Variants in DHRS7B observed in about 807,000 individuals in gnomAD.
The protein encoded by DHRS7B is dehydrogenase/reductase 7B.
A neutral mutation model predicts 26.4 loss-of-function variants in DHRS7B; 24 were observed. The ratio of observed to expected loss-of-function variants is 0.91; its 90% CI spans 0.66 to 1.28. The LOEUF (loss-of-function observed/expected upper bound fraction) is 1.28. Ranked by LOEUF, DHRS7B falls within the 50% of genes most tolerant of loss-of-function variation. The pLI, the probability that DHRS7B is intolerant of heterozygous loss-of-function variation, is 0.00. For synonymous variants in DHRS7B, 142 were observed against 166.4 expected (o/e 0.85, Z 1.13); for missense variants, 368 against 419.4 (o/e 0.88, Z 1.07).
intron 1 of DHRS7B, among the ~76,000 whole-genome samples, chr17:21,132,737 T>C (rs1402853812): frequency 6.6e-6 from 1 of 152,136 alleles, no homozygotes; most frequent in Non-Finnish European, 1.5e-5. Context: ...TACAGGTCAC[T>C]AGCTATGGAG....
intron 1 of DHRS7B, among the ~76,000 whole-genome samples, chr17:21,131,820 A>AT (rs970620672): frequency 1.3e-5 from 2 of 152,146 alleles, no homozygotes; most frequent in African/African-American, 4.8e-5. Flanking sequence ...GGGGATATAA[A>AT]TTTTTCCAGT....
At chr17:21,132,481 T>C (rs1468428599) in intron 1 of DHRS7B, among the ~76,000 whole-genome samples, 1 of 138,754 alleles carries the variant, frequency 7.2e-6, no homozygotes, top group African/African-American at 2.7e-5. Context: ...CAGTGAGCTA[T>C]GATCACACCA....
chr17:21,173,236 C>T lies in DHRS7B; in HGVS notation c.199+1040C>T, dbSNP rs183099767. Among the ~76,000 whole-genome samples, 10 of 152,358 alleles carry T rather than the reference C, an allele frequency of 6.6e-5. 1 individual carries two copies. The highest frequency in any genetic ancestry group is 6.8e-3 in the Middle Eastern group (2 of 294). On this transcript the variant is annotated intron_variant, in intron 2 of 6. Transcript: ENST00000395511. ...CATTGCAGTAACATATGCTCTCAAA[C>T]CAGCCTGGTGGCAACAAGGCACATG...
chr17:21,159,212 C>G (rs1973944726), intron 1 of DHRS7B, among the ~76,000 whole-genome samples: 1 of 151,578 alleles, frequency 6.6e-6, no homozygotes, highest in African/African-American at 2.4e-5. Flanking sequence ...AGAAGACAAA[C>G]CACAGACTAG....
chr17:21,156,535 G>T (rs1053064039), intron 1 of DHRS7B, among the ~76,000 whole-genome samples: 1 of 151,612 alleles, frequency 6.6e-6, no homozygotes, highest in Non-Finnish European at 1.5e-5. Context: ...AACCTGGGAG[G>T]TAGAGGTTGC....
chr17:21,149,649 T>A (rs1448622661), intron 1 of DHRS7B, among the ~76,000 whole-genome samples: 1 of 152,160 alleles, frequency 6.6e-6, no homozygotes, highest in Non-Finnish European at 1.5e-5. Context: ...GGGAGTTTTT[T>A]AAACATATTT....
chr17:21,178,284 G>A lies in DHRS7B; in HGVS notation c.251G>A (p.Arg84Gln), dbSNP rs758778438. 1.5e-5 allele frequency: 24 copies of A among 1,614,102 alleles called. No homozygotes were observed. Among genetic ancestry groups the A allele is most frequent in the African/African-American group, 2.7e-5 (2 of 74,940 alleles). Residue 84 changes from arginine to glutamine, a missense_variant, in exon 3 of 7, where the codon CGG becomes CAG. By Grantham distance (43) the Arg-to-Gln change is conservative. Transcript: ENST00000395511. ...AAGAKLVLCG[R>Q]NGGALEELIR... is the part of the protein sequence containing the mutation. The stretch of plus-strand genomic sequence containing the variant: ...GGTGCTAAACTGGTGCTCTGTGGCC[G>A]GAATGGTGGGGCCCTAGAAGAGCTC...
intron 1 of DHRS7B, among the ~76,000 whole-genome samples, chr17:21,167,256 T>C (rs1419616382): frequency 5.3e-5 from 8 of 152,112 alleles, no homozygotes; most frequent in Non-Finnish European, 1.2e-4. Flanking sequence ...CAGCAGAAAG[T>C]AAAGGAGCAG....
chr17:21,131,090 A>G (rs1973220544), intron 1 of DHRS7B, among the ~76,000 whole-genome samples: 2 of 152,214 alleles, frequency 1.3e-5, no homozygotes, highest in African/African-American at 4.8e-5. Flanking sequence ...CTACTGGAGA[A>G]GAGTCTTGAT....
At chr17:21,163,210 A>C (rs1016385251) in intron 1 of DHRS7B, among the ~76,000 whole-genome samples, 2 of 152,102 alleles carry the variant, frequency 1.3e-5, no homozygotes, top group Non-Finnish European at 2.9e-5. Flanking sequence ...AAAACCAAAA[A>C]AAACCAAAAA....
In DHRS7B at chr17:21,183,754, A is replaced by C. The variant is rs141135694; in HGVS notation, c.470A>C (p.Asp157Ala). ...GGTACCATCATGGACACCACAGTGG[A>C]TGTGGACAAGAGGGTCATGGAGACA... ...YRGTIMDTTVDVDKRVMETNY... is the reference protein window; with the variant it reads ...YRGTIMDTTVAVDKRVMETNY... The change falls in exon 4 of 7, where the codon GAT becomes GCT. Residue 157 changes from aspartate to alanine, a missense_variant. Asp to Ala is a moderately radical substitution (Grantham distance 126). Coordinates refer to ENST00000395511, the MANE Select transcript of DHRS7B (RefSeq NM_015510.5). The C allele has an allele frequency of 1.1e-4, 184 of 1,614,120 alleles. No homozygotes were observed. Among genetic ancestry groups the C allele is most frequent in the Admixed American group, 3.3e-5 (2 of 60,008 alleles).
chr17:21,138,075 A>AAAAAAATAT (rs1238830544), intron 1 of DHRS7B, among the ~76,000 whole-genome samples: 1 of 33,230 alleles, frequency 3.0e-5, no homozygotes, highest in African/African-American at 1.4e-4. Flanking sequence ...TTAAAAAAAA[A>AAAAAAATAT]ATATATATAT....
intron 1 of DHRS7B, among the ~76,000 whole-genome samples, chr17:21,160,887 AATG>A (rs891420593): frequency 6.6e-6 from 1 of 152,234 alleles, no homozygotes; most frequent in Non-Finnish European, 1.5e-5. Context: ...ACTAAAAAAA[AATG>A]AGCTATGAAG....
chr17:21,141,640 A>AAAAAAAAACAAAAAG, intron 1 of DHRS7B, among the ~76,000 whole-genome samples: 2 of 90,078 alleles, frequency 2.2e-5, no homozygotes, highest in African/African-American at 4.3e-5. Context: ...AAAAAAAAAA[A>AAAAAAAAACAAAAAG]CAACCTCATC....
chr17:21,133,699 G>C (rs1210452090), intron 1 of DHRS7B, among the ~76,000 whole-genome samples: 3 of 152,184 alleles, frequency 2.0e-5, no homozygotes, highest in Non-Finnish European at 2.9e-5. Flanking sequence ...AGTTTCATCT[G>C]ATCTCTCATG....
chr17:21,164,894 G>A (rs1009950801), intron 1 of DHRS7B, among the ~76,000 whole-genome samples: 4 of 152,180 alleles, frequency 2.6e-5, no homozygotes, highest in African/African-American at 7.2e-5. Context: ...AAGGAATACG[G>A]TTGGTCTTTC....
At chr17:21,166,099 C>T (rs573053499) in intron 1 of DHRS7B, 90 of 967,614 alleles carry the variant, frequency 9.3e-5, no homozygotes, top group Middle Eastern at 5.3e-4. Context: ...TTACAGGGCC[C>T]GGGGCTGGGC....
At chr17:21,173,869 A>T (rs1462103890) in intron 2 of DHRS7B, among the ~76,000 whole-genome samples, 1 of 152,192 alleles carries the variant, frequency 6.6e-6, no homozygotes, top group Non-Finnish European at 1.5e-5. Context: ...TGGAGCTCTG[A>T]GTCGCAAGTG....
chr17:21,166,080 G>GCCAT, intron 1 of DHRS7B: 1 of 887,322 alleles, frequency 1.1e-6, no homozygotes, highest in Non-Finnish European at 1.4e-6. Context: ...GCACTCCTGT[G>GCCAT]CCATCATATT....
Sources: allele counts gnomAD v4.1 joint callset (sites outside exome capture counted in the v4.1 genomes callset), GRCh38; gene constraint gnomAD v4.1.1; transcripts MANE v1.5; gene names NCBI Gene and HGNC (gene_info 2026-07-23, HGNC 2026-07-21).